GRIN2D: variants seen among roughly 807,000 people sequenced by gnomAD.
GRIN2D encodes the protein glutamate receptor ionotropic, NMDA 2D.
In GRIN2D, 37 loss-of-function variants were observed where a neutral mutation model predicts 103.2. That is an observed-to-expected ratio of 0.36 (90% confidence interval 0.28 to 0.47). GRIN2D has a LOEUF of 0.47. GRIN2D is among the 20% of genes least tolerant of loss of function. The pLI, the probability that GRIN2D is intolerant of heterozygous loss-of-function variation, is 1.00. For synonymous variants in GRIN2D, 845 were observed against 885.6 expected (o/e 0.95, Z 0.81); for missense variants, 1,557 against 1,910.6 (o/e 0.81, Z 3.45).
In GRIN2D at chr19:48,404,769, C is replaced by T; in HGVS notation, c.501C>T (p.Ser167=). 1 of 1,611,790 alleles carries T rather than the reference C, an allele frequency of 6.2e-7. No individual in the cohort carries two copies. Among genetic ancestry groups the T allele is most frequent in the East Asian group, 2.2e-5 (1 of 44,860 alleles). ...CCACCTTCCTGCAGCTGGGCTCTTC[C>T]ACCGAGCAACAGCTTCAGGTCATCT... ...KGSTFLQLGS[S]TEQQLQVIFE... Residue 167 remains serine, a synonymous_variant, in exon 4 of 14, where the codon TCC becomes TCT. Transcript: ENST00000263269.
chr19:48,411,572 C>T (rs901636891), intron 4 of GRIN2D, among the ~76,000 whole-genome samples: 2 of 151,682 alleles, frequency 1.3e-5, no homozygotes, highest in Non-Finnish European at 2.9e-5. Context: ...TCGCTTGGAC[C>T]TGGGAGGCGG....
Position 48,421,802 on chromosome 19 carries a change from G to A in GRIN2D, c.2109G>A (p.Glu703=). 1.9e-6 allele frequency: 3 copies of A among 1,613,950 alleles called. No individual in the cohort carries two copies. Among genetic ancestry groups the A allele is most frequent in the Non-Finnish European group, 2.5e-6 (3 of 1,179,934 alleles). ...TGCCCCAGTTCCAGAGGCCCCAGGA[G>A]CAGTACCCGCCCCTGAAGTTTGGGA... The part of the protein sequence containing the change: ...LSDRKFQRPQ[E]QYPPLKFGTV... The change falls in exon 11 of 14, where the codon GAG becomes GAA. Residue 703 remains glutamate, a synonymous_variant. Transcript: ENST00000263269. The surrounding 1 kb of genome is among the most constrained non-coding windows in gnomAD (Gnocchi z 4.8).
chr19:48,442,944 C>T lies in GRIN2D; in HGVS notation c.3018C>T (p.Ser1006=). The change falls in exon 14 of 14, where the codon TCC becomes TCT. Residue 1006 remains serine, a synonymous_variant. Transcript: ENST00000263269. This position sits in a 1 kb window ranked among gnomAD's most constrained non-coding sequence, Gnocchi z 7.2. The part of the protein sequence containing the change: ...AAQPPQKPPP[S]YFAIVRDKEP... ...AGCCCCCGCAGAAGCCGCCGCCCTC[C>T]TATTTCGCCATCGTACGCGACAAGG... The T allele has an allele frequency of 2.6e-6, 3 of 1,146,606 alleles. No homozygotes were observed. The highest frequency in any genetic ancestry group is 3.2e-6 in the Non-Finnish European group (3 of 923,528). 71.0% of individuals were successfully genotyped at this position (1,146,606 alleles called of 1,614,324 possible). A position where few individuals can be genotyped will look rare whatever the true frequency, so the allele number is the denominator to read the frequency against.
At chr19:48,404,596 C>T (rs924039182) in intron 3 of GRIN2D, 138 bp from the exon 4 acceptor site, 6 of 767,918 alleles carry the variant, frequency 7.8e-6, no homozygotes, top group African/African-American at 7.0e-5. Flanking sequence ...TAGCCCTGTG[C>T]CCCAGGAGGA....
At position 48,394,341 on chromosome 19, in the gene GRIN2D, G is replaced by T. The variant is rs1236725048; in HGVS notation, c.-305-317G>T. Among the ~76,000 whole-genome samples the T allele has an allele frequency of 6.6e-6, 1 of 151,252 alleles. No homozygotes were observed. Among genetic ancestry groups the T allele is most frequent in the Non-Finnish European group, 1.5e-5 (1 of 67,862 alleles). On this transcript the variant is annotated intron_variant, in intron 1 of 13. Transcript: ENST00000263269. This position sits in a 1 kb window ranked among gnomAD's most constrained non-coding sequence, Gnocchi z 5.1. ...AGGGGGGGTCTAGAGGTGGCCAAGC[G>T]AGGAAGGGGCAAGCAGTTCCCCAAG...
intron 8 of GRIN2D, among the ~76,000 whole-genome samples, chr19:48,417,616 C>A (rs1433551648): frequency 6.6e-6 from 1 of 152,186 alleles, no homozygotes; most frequent in Non-Finnish European, 1.5e-5. Context: ...CCCCTTTGCA[C>A]CAAGGTCTCT....
chr19:48,426,088 A>G (rs1971081854), intron 11 of GRIN2D, among the ~76,000 whole-genome samples: 1 of 152,128 alleles, frequency 6.6e-6, no homozygotes, highest in African/African-American at 2.4e-5. Flanking sequence ...AATACCGTTG[A>G]GTATACCATT....
At position 48,442,353 on chromosome 19, in the gene GRIN2D, C is replaced by T; in HGVS notation, c.2644C>T (p.Arg882Cys). 1 of 1,613,042 alleles carries T rather than the reference C, an allele frequency of 6.2e-7. No homozygotes were observed. Among genetic ancestry groups the T allele is most frequent in the Non-Finnish European group, 8.5e-7 (1 of 1,179,922 alleles). Residue 882 changes from arginine to cysteine, a missense_variant, in exon 13 of 14, where the codon CGC becomes TGC. By Grantham distance (180) the Arg-to-Cys change is radical. Coordinates refer to ENST00000263269, the MANE Select transcript of GRIN2D (RefSeq NM_000836.4). The surrounding 1 kb of genome is among the most constrained non-coding windows in gnomAD (Gnocchi z 7.2). ...GCGGCACTGCCTGGGGCCCACCCACCGCATGGACTTCCTGCTGGCCTTCTC... is the reference window on the plus strand; with the variant it reads ...GCGGCACTGCCTGGGGCCCACCCACTGCATGGACTTCCTGCTGGCCTTCTC... The part of the protein sequence containing the change: ...RLRHCLGPTH[R>C]MDFLLAFSRG...
chr19:48,443,680 A>G lies in GRIN2D; in HGVS notation c.3754A>G (p.Arg1252Gly). ...CGCCGCCGCCGCGCCCCACCACCACAGGCACCGGCGCGCCGCTGGGGGCTG... is the reference window on the plus strand; with the variant it reads ...CGCCGCCGCCGCGCCCCACCACCACGGGCACCGGCGCGCCGCTGGGGGCTG... ...TPAAAAPHHH[R>G]HRRAAGGWDL... Residue 1252 changes from arginine (R) to glycine (G), a missense_variant, in exon 14 of 14, where the codon AGG becomes GGG. Arg to Gly is a moderately radical substitution (Grantham distance 125). Coordinates refer to ENST00000263269, the MANE Select transcript of GRIN2D (RefSeq NM_000836.4). This position sits in a 1 kb window ranked among gnomAD's most constrained non-coding sequence, Gnocchi z 8.9. 2 of 1,216,278 alleles carry G rather than the reference A, an allele frequency of 1.6e-6. No individual in the cohort carries two copies. Among genetic ancestry groups the G allele is most frequent in the South Asian group, 3.2e-5 (1 of 31,044 alleles). The allele number at this position is 1,216,278 out of a possible 1,614,324, so 75.3% of individuals were successfully genotyped here. A position where few individuals can be genotyped will look rare whatever the true frequency, so the allele number is the denominator to read the frequency against.
chr19:48,444,155 G>A lies in GRIN2D; in HGVS notation c.*218G>A, dbSNP rs1971351623. On this transcript the variant is annotated 3_prime_UTR_variant, in exon 14 of 14. Transcript: ENST00000263269. The surrounding 1 kb of genome is among the most constrained non-coding windows in gnomAD (Gnocchi z 5.5). ...CACCCAGCCTGAGAACGAGGGGGCG[G>A]GGGCCTTGGAGCCCACCGGACTTTT... The A allele has an allele frequency of 7.4e-6, 3 of 406,618 alleles. No individual in the cohort carries two copies. The highest frequency in any genetic ancestry group is 3.6e-5 in the East Asian group (1 of 27,528). The allele number at this position is 406,618 out of a possible 1,614,324, so 25.2% of individuals were successfully genotyped here.
intron 8 of GRIN2D, among the ~76,000 whole-genome samples, chr19:48,416,743 CTCTT>C (rs1970953386): frequency 8.9e-6 from 1 of 112,316 alleles, no homozygotes; most frequent in Admixed American, 1.0e-4. Flanking sequence ...CTCTCTCTCT[CTCTT>C]TTTTTTTTTT....
Position 48,443,344 on chromosome 19 carries a change from C to T in GRIN2D, c.3418C>T (p.Pro1140Ser), listed in dbSNP as rs757990371. 6 of 1,523,222 alleles carry T rather than the reference C, an allele frequency of 3.9e-6. No homozygotes were observed. The East Asian group carries it at 8.1e-5, about 21-fold the overall frequency. 94.4% of individuals were successfully genotyped at this position (1,523,222 alleles called of 1,614,324 possible). Residue 1140 changes from proline (P) to serine (S), a missense_variant, in exon 14 of 14, where the codon CCG (proline) becomes TCG (serine). Pro to Ser is a moderately conservative substitution (Grantham distance 74, BLOSUM62 -1). Around this residue, in one of 7 missense-constraint regions of GRIN2D, gnomAD observed 632 missense variants for 572.8 expected, o/e 1.10. Transcript: ENST00000263269. This position sits in a 1 kb window ranked among gnomAD's most constrained non-coding sequence, Gnocchi z 8.9. Reference sequence around the variant, plus strand: ...CTGGTGGTTCGCCGACTTCCCTTACCCGTATGCCGAGCGCCTCGGGCCGCC... The same window carrying T: ...CTGGTGGTTCGCCGACTTCCCTTACTCGTATGCCGAGCGCCTCGGGCCGCC... ...EPWWFADFPYPYAERLGPPPG... is the reference protein window; with the variant it reads ...EPWWFADFPYSYAERLGPPPG...
intron 11 of GRIN2D, among the ~76,000 whole-genome samples, chr19:48,426,224 C>CTTTTTTTTTTTTTTCTTTTTTTTT (rs1555893888): frequency 1.7e-5 from 2 of 120,118 alleles, no homozygotes; most frequent in Admixed American, 8.4e-5. Flanking sequence ...TTCTTTCTTT[C>CTTTTTTTTTTTTTTCTTTTTTTTT]TTTTTTTTTT....
Position 48,443,946 on chromosome 19 carries a change from C to T in GRIN2D, c.*9C>T, listed in dbSNP as rs781627060. The T allele has an allele frequency of 1.9e-4, 265 of 1,390,824 alleles. 1 individual carries two copies. The highest frequency in any genetic ancestry group is 7.2e-5 in the Non-Finnish European group (77 of 1,071,940). The allele number at this position is 1,390,824 out of a possible 1,614,324, so 86.2% of individuals were successfully genotyped here. ...TCGAGTCCGAGGTATGACGCGGCCC[C>T]GGGGGCCCCACCGCCCCCTTGGTCA... is the stretch of plus-strand genomic sequence containing the variant. On this transcript the variant is annotated 3_prime_UTR_variant, in exon 14 of 14. Transcript: ENST00000263269. This position sits in a 1 kb window ranked among gnomAD's most constrained non-coding sequence, Gnocchi z 8.9.
intron 11 of GRIN2D, among the ~76,000 whole-genome samples, chr19:48,437,773 A>C (rs1276934354): frequency 6.6e-6 from 1 of 152,154 alleles, no homozygotes; most frequent in Non-Finnish European, 1.5e-5. Flanking sequence ...GCATCTTCCT[A>C]AACAAAGAGA....
At chr19:48,424,254 C>CA (rs1337440065) in intron 11 of GRIN2D, among the ~76,000 whole-genome samples, 43 of 103,770 alleles carry the variant, frequency 4.1e-4, no homozygotes, top group Middle Eastern at 5.4e-3. Flanking sequence ...CCTTGACTCA[C>CA]AAAAAAAAAA....
At chr19:48,422,673 A>C (rs184079137) in intron 11 of GRIN2D, among the ~76,000 whole-genome samples, 2 of 152,250 alleles carry the variant, frequency 1.3e-5, no homozygotes, top group Admixed American at 1.3e-4. Flanking sequence ...TATTTAGAAC[A>C]GTGCCCGGTG....
At position 48,414,916 on chromosome 19, in the gene GRIN2D, A is replaced by G; in HGVS notation, c.1465A>G (p.Ile489Val). The G allele has an allele frequency of 6.2e-7, 1 of 1,614,130 alleles. No individual in the cohort carries two copies. Among genetic ancestry groups the G allele is most frequent in the Non-Finnish European group, 8.5e-7 (1 of 1,180,028 alleles). ...AAAGCGCTGCTGCAAGGGTTTCTGC[A>G]TCGACATTCTGAAGCGGCTGGCGCA... ...PEKRCCKGFCIDILKRLAHTI... is the reference protein window; with the variant it reads ...PEKRCCKGFCVDILKRLAHTI... Residue 489 changes from isoleucine (I) to valine (V), a missense_variant, in exon 7 of 14, where the codon ATC (isoleucine) becomes GTC (valine). Coordinates refer to ENST00000263269, the MANE Select transcript of GRIN2D (RefSeq NM_000836.4). The surrounding 1 kb of genome is among the most constrained non-coding windows in gnomAD (Gnocchi z 4.6).
At position 48,441,921 on chromosome 19, in the gene GRIN2D, C is replaced by T. The variant is rs376705334; in HGVS notation, c.2405C>T (p.Pro802Leu). ...ALHKGSRWKR[P>L]IDLALLQFLG... ...CACAAGGGCTCCCGCTGGAAGCGGCCCATCGACCTGGCGTTGCTGCAGTTC... is the reference window on the plus strand; with the variant it reads ...CACAAGGGCTCCCGCTGGAAGCGGCTCATCGACCTGGCGTTGCTGCAGTTC... The change falls in exon 12 of 14, where the codon CCC becomes CTC. Residue 802 changes from proline to leucine, a missense_variant. Physicochemically the swap from Pro to Leu is moderately conservative, Grantham distance 98. This residue lies in a region of GRIN2D where 138 missense variants were observed against 270.2 expected (regional missense o/e 0.51). Transcript: ENST00000263269. 6.2e-7 allele frequency: 1 copy of T among 1,610,790 alleles called. No homozygotes were observed. Among genetic ancestry groups the T allele is most frequent in the African/African-American group, 1.3e-5 (1 of 74,924 alleles).
Sources: gnomAD v4.1 joint callset for allele counts (sites outside exome capture counted in the v4.1 genomes callset) on GRCh38, gnomAD v4.1.1 for gene constraint, gnomAD v4.1.1 regional missense constraint, Gnocchi (gnomAD v3.1) non-coding constraint, MANE v1.5 for transcripts, NCBI Gene and HGNC (gene_info 2026-07-23, HGNC 2026-07-21) for gene names.